KCNE1: variants seen among roughly 807,000 people sequenced by gnomAD.
KCNE1 encodes the protein potassium voltage-gated channel subfamily E regulatory subunit 1.
KCNE1 carries 1 observed loss-of-function variant against 2.9 expected under a neutral mutation model. The ratio of observed to expected loss-of-function variants is 0.34; its 90% CI spans 0.12 to 1.62. The LOEUF (loss-of-function observed/expected upper bound fraction) is 1.62. Ranked by LOEUF, KCNE1 falls within the 40% of genes most tolerant of loss-of-function variation. The pLI, the probability that KCNE1 is intolerant of heterozygous loss-of-function variation, is 0.36. For synonymous variants in KCNE1, 23 were observed against 65.4 expected, an observed-to-expected ratio of 0.35 and a Z score of 3.13; for missense variants, 45 against 150.5, an observed-to-expected ratio of 0.30 and a Z score of 3.67.
Position 34,511,113 on chromosome 21 carries a change from C to G in KCNE1, c.-174G>C. On this transcript the variant is annotated 5_prime_UTR_variant, in exon 2 of 4. Transcript: ENST00000399286. ...CCCCTTCTCCTACCAGTTCTCGTTT[C>G]TGAAGTCTCCTCAAGCACACTGCGG... is the stretch of plus-strand genomic sequence containing the variant. 1 of 985,206 alleles carries G rather than the reference C, an allele frequency of 1.0e-6. No homozygotes were observed. Among genetic ancestry groups the G allele is most frequent in the Non-Finnish European group, 1.2e-6 (1 of 829,672 alleles). 61.0% of individuals were successfully genotyped at this position (985,206 alleles called of 1,614,324 possible).
chr21:34,508,190 C>CTT (rs796940352), intron 2 of KCNE1, among the ~76,000 whole-genome samples: 8 of 137,600 alleles, frequency 5.8e-5, no homozygotes, highest in African/African-American at 5.4e-5. Flanking sequence ...CCACTCCTAG[C>CTT]TTTTTTTTTT....
chr21:34,497,923 A>C (rs1223142775), intron 2 of KCNE1, among the ~76,000 whole-genome samples: 1 of 151,936 alleles, frequency 6.6e-6, no homozygotes, highest in Non-Finnish European at 1.5e-5. Context: ...GTTCATTCAA[A>C]AGTCTTGCCT....
chr21:34,505,925 T>C (rs1983458534), intron 2 of KCNE1, among the ~76,000 whole-genome samples: 1 of 152,262 alleles, frequency 6.6e-6, no homozygotes, highest in South Asian at 2.1e-4. Context: ...GCAACTTATA[T>C]GACACAGCAA....
intron 2 of KCNE1, among the ~76,000 whole-genome samples, chr21:34,505,939 A>C (rs1373573615): frequency 6.6e-6 from 1 of 152,254 alleles, no homozygotes; most frequent in East Asian, 1.9e-4. Flanking sequence ...ACAGCAAGGC[A>C]ATATAGACTC....
rs1292331824 is a variant in KCNE1, at chr21:34,512,033, C to G, written c.-383G>C. On this transcript the variant is annotated 5_prime_UTR_variant, in exon 1 of 4. Transcript: ENST00000399286. ...GGCTCTCCTTCGAACTCACCTAGACCCTTGCATCAAAGGACTCGGGGACTC... is the reference window on the plus strand; with the variant it reads ...GGCTCTCCTTCGAACTCACCTAGACGCTTGCATCAAAGGACTCGGGGACTC... The G allele has an allele frequency of 5.3e-5, 8 of 152,312 alleles. No individual in the cohort carries two copies. Among genetic ancestry groups the G allele is most frequent in the Non-Finnish European group, 1.0e-4 (7 of 68,138 alleles). 9.4% of individuals were successfully genotyped at this position (152,312 alleles called of 1,614,324 possible). A position where few individuals can be genotyped will look rare whatever the true frequency, so the allele number is the denominator to read the frequency against.
chr21:34,506,954 G>A (rs939543228), intron 2 of KCNE1, among the ~76,000 whole-genome samples: 8 of 152,182 alleles, frequency 5.3e-5, no homozygotes, highest in African/African-American at 1.4e-4. Context: ...GAAGGTGAAG[G>A]CACAGAGGTA....
chr21:34,449,728 C>G, intron 3 of KCNE1, 44 bp from the exon 4 acceptor site: 1 of 540,872 alleles, frequency 1.8e-6, no homozygotes, highest in Non-Finnish European at 3.2e-6. Flanking sequence ...TACGTATTGG[C>G]CAAAACCCAC....
At chr21:34,495,544 T>G (rs1982754737) in intron 2 of KCNE1, among the ~76,000 whole-genome samples, 1 of 110,404 alleles carries the variant, frequency 9.1e-6, no homozygotes, top group Non-Finnish European at 1.8e-5. Flanking sequence ...GTATTATTGT[T>G]TTTATCTTGC....
intron 2 of KCNE1, among the ~76,000 whole-genome samples, chr21:34,498,827 G>A (rs375735858): frequency 1.3e-5 from 2 of 152,178 alleles, no homozygotes; most frequent in East Asian, 3.9e-4. Flanking sequence ...GAGCTGCTTG[G>A]CCTCCAGCCA....
Position 34,504,340 on chromosome 21 carries a change from G to C in KCNE1, c.-162+6761C>G, listed in dbSNP as rs79435473. 1.7e-3 allele frequency among the ~76,000 whole-genome samples: 262 copies of C among 152,296 alleles called. 2 individuals are homozygous for C. Among genetic ancestry groups the C allele is most frequent in the African/African-American group, 6.0e-3 (249 of 41,564 alleles). On this transcript the variant is annotated intron_variant, in intron 2 of 3. Transcript: ENST00000399286. ...GGAAAAGATCCTTGACATCTCTAGT[G>C]ATCAGGGAAATGCAAATCCAAACCC...
intron 2 of KCNE1, chr21:34,509,452 T>G (rs1267131318): frequency 6.6e-6 from 1 of 152,134 alleles, no homozygotes; most frequent in Admixed American, 6.5e-5. Context: ...TCTTTTTTTT[T>G]TTTAACTTTT....
intron 2 of KCNE1, among the ~76,000 whole-genome samples, chr21:34,504,084 C>G (rs1983327577): frequency 6.6e-6 from 1 of 152,236 alleles, no homozygotes; most frequent in East Asian, 1.9e-4. Flanking sequence ...GTCAGCTGAG[C>G]TCACATGGGA....
intron 2 of KCNE1, among the ~76,000 whole-genome samples, chr21:34,504,666 GATGA>G (rs1568863852): frequency 6.6e-6 from 1 of 152,204 alleles, no homozygotes; most frequent in Non-Finnish European, 1.5e-5. Flanking sequence ...TTCATCAACT[GATGA>G]ATGAACTGAC....
chr21:34,511,325 GA>G lies in KCNE1; in HGVS notation c.-376-11del. 1 of 985,536 alleles carries G rather than the reference GA, an allele frequency of 1.0e-6. No homozygotes were observed. The highest frequency in any genetic ancestry group is 1.2e-6 in the Non-Finnish European group (1 of 829,988). 61.0% of individuals were successfully genotyped at this position (985,536 alleles called of 1,614,324 possible). ...GTCTGTTTGGTGGTTGCTAAGGTTT[GA>G]AAAAAGCCAGCTGGAAACTTAATCC... On this transcript the variant is annotated splice_polypyrimidine_tract_variant and intron_variant, in intron 1 of 3. Coordinates refer to ENST00000399286, the MANE Select transcript of KCNE1 (RefSeq NM_000219.6).
chr21:34,503,381 C>G (rs933768964), intron 2 of KCNE1, among the ~76,000 whole-genome samples: 1 of 152,144 alleles, frequency 6.6e-6, no homozygotes. Context: ...TAGGGACCAC[C>G]CTCCAGGAAG....
Position 34,449,425 on chromosome 21 carries a change from C to G in KCNE1, c.210G>C (p.Lys70Asn), listed in dbSNP as rs199473356. 1 of 1,580,518 alleles carries G rather than the reference C, an allele frequency of 6.3e-7. No homozygotes were observed. Among genetic ancestry groups the G allele is most frequent in the Middle Eastern group, 1.7e-4 (1 of 6,024 alleles). The change falls in exon 4 of 4, where the codon AAG becomes AAC. Residue 70 changes from lysine to asparagine, a missense_variant. Transcript: ENST00000399286. ...TGAATGGGTCGTTCGAGTGCTCCAG[C>G]TTCTTGGAGCGGATGTAGCTCAGCA... ...GIMLSYIRSK[K>N]LEHSNDPFNV... is the part of the protein sequence containing the mutation.
intron 2 of KCNE1, among the ~76,000 whole-genome samples, chr21:34,507,049 A>G (rs1207809124): frequency 1.3e-5 from 2 of 152,238 alleles, no homozygotes; most frequent in Admixed American, 1.3e-4. Flanking sequence ...TTTCCAGGGT[A>G]CATGGATGCA....
In KCNE1 at chr21:34,511,699, G is replaced by A. The variant is rs557013676; in HGVS notation, c.-377+328C>T. On this transcript the variant is annotated intron_variant, in intron 1 of 3. Coordinates refer to ENST00000399286, the MANE Select transcript of KCNE1 (RefSeq NM_000219.6). ...AGGAGCCTGCATGTGAGGCCCGGAC[G>A]TCCTACAGAGCAGCAGTTAGAGGTC... Among the ~76,000 whole-genome samples, 209 of 152,328 alleles carry A rather than the reference G, an allele frequency of 1.4e-3. 3 individuals carry two copies. Among genetic ancestry groups the A allele is most frequent in the Non-Finnish European group, 4.6e-4 (31 of 68,024 alleles).
intron 2 of KCNE1, among the ~76,000 whole-genome samples, chr21:34,506,395 T>G (rs888583007): frequency 1.3e-5 from 2 of 152,216 alleles, no homozygotes; most frequent in African/African-American, 4.8e-5. Flanking sequence ...CAATCTATCC[T>G]GACAATCCTG....
Sources: gnomAD v4.1 joint callset for allele counts (sites outside exome capture counted in the v4.1 genomes callset) on GRCh38, gnomAD v4.1.1 for gene constraint, MANE v1.5 for transcripts, NCBI Gene and HGNC (gene_info 2026-07-23, HGNC 2026-07-21) for gene names.